ROBO1: variants seen among roughly 807,000 people sequenced by gnomAD.
ROBO1 encodes the protein roundabout homolog 1.
Under a neutral mutation model 195.9 loss-of-function variants are expected in ROBO1, and 149 were observed. That is an observed-to-expected ratio of 0.76 (90% CI 0.67 to 0.87). The LOEUF (loss-of-function observed/expected upper bound fraction) is 0.87, where lower values mean the gene tolerates loss of function less well. Ranked by LOEUF, ROBO1 falls within the 40% of genes least tolerant of loss-of-function variation. ROBO1 has a pLI of 0.00. For synonymous variants in ROBO1, 816 were observed against 733.2 expected (o/e 1.11, Z -1.82); for missense variants, 1,933 against 2,068.3 (o/e 0.93, Z 1.27).
chr3:78,717,637 C>A, intron 6 of ROBO1, 126 bp downstream of exon 6: 1 of 1,121,020 alleles, frequency 8.9e-7, no homozygotes, highest in Non-Finnish European at 1.3e-6. Flanking sequence ...CTGATTTCTT[C>A]TCTCCTCTTT....
At chr3:79,641,029 T>C (rs1042796413) in intron 1 of ROBO1, among the ~76,000 whole-genome samples, 5 of 152,256 alleles carry the variant, frequency 3.3e-5, no homozygotes, top group African/African-American at 9.6e-5. Flanking sequence ...TCTGATCTTG[T>C]CTTGGTGGAT....
intron 2 of ROBO1, among the ~76,000 whole-genome samples, chr3:79,503,708 C>G (rs563736823): frequency 6.6e-6 from 1 of 152,158 alleles, no homozygotes; most frequent in African/African-American, 2.4e-5. Flanking sequence ...ATAATTGTCT[C>G]TGAGAAATCT....
intron 28 of ROBO1, among the ~76,000 whole-genome samples, chr3:78,608,800 G>A (rs1703619999): frequency 6.6e-6 from 1 of 151,982 alleles, no homozygotes; most frequent in African/African-American, 2.4e-5. Context: ...AGGGGTGGGG[G>A]GAGGAAGGAA....
At chr3:79,555,630 A>G (rs1942671821) in intron 2 of ROBO1, among the ~76,000 whole-genome samples, 1 of 152,176 alleles carries the variant, frequency 6.6e-6, no homozygotes, top group Non-Finnish European at 1.5e-5. Flanking sequence ...CGTGGCCAAT[A>G]AAAACTGAGA....
At chr3:79,735,870 C>CAAAAAAA (rs1220855864) in intron 1 of ROBO1, among the ~76,000 whole-genome samples, 1 of 70,780 alleles carries the variant, frequency 1.4e-5, no homozygotes, top group Admixed American at 1.5e-4. Flanking sequence ...GACTCCGTCT[C>CAAAAAAA]AAAAAAAAAA....
intron 3 of ROBO1, among the ~76,000 whole-genome samples, chr3:79,003,306 G>A (rs1051409005): frequency 6.6e-6 from 1 of 151,972 alleles, no homozygotes; most frequent in Non-Finnish European, 1.5e-5. Context: ...CACCGGGAGG[G>A]GAGATTAAAT....
At chr3:79,305,551 C>T (rs1055016362) in intron 2 of ROBO1, among the ~76,000 whole-genome samples, 2 of 141,064 alleles carry the variant, frequency 1.4e-5, no homozygotes, top group African/African-American at 2.6e-5. Context: ...AAAATCAATA[C>T]ATTTTAGAAA....
intron 2 of ROBO1, among the ~76,000 whole-genome samples, chr3:79,149,162 C>A (rs2080713558): frequency 6.6e-6 from 1 of 151,866 alleles, no homozygotes; most frequent in Admixed American, 6.6e-5. Context: ...TAACTACTTA[C>A]CAGCATACTT....
intron 3 of ROBO1, among the ~76,000 whole-genome samples, chr3:79,083,484 T>A (rs955047577): frequency 6.6e-6 from 1 of 152,184 alleles, no homozygotes; most frequent in Admixed American, 6.5e-5. Flanking sequence ...TACTTGGGAA[T>A]TGCAAATAAA....
At chr3:78,947,066 T>C (rs532148483) in intron 3 of ROBO1, among the ~76,000 whole-genome samples, 1 of 151,986 alleles carries the variant, frequency 6.6e-6, no homozygotes, top group Non-Finnish European at 1.5e-5. Context: ...TCCCACACAA[T>C]AATAATGGGA....
intron 25 of ROBO1, among the ~76,000 whole-genome samples, chr3:78,627,872 C>T (rs1432135259): frequency 6.6e-6 from 1 of 152,040 alleles, no homozygotes. Context: ...TATTTTGTCC[C>T]TCCAATATGT....
chr3:78,825,360 A>G (rs759294423), intron 4 of ROBO1, among the ~76,000 whole-genome samples: 6 of 152,106 alleles, frequency 3.9e-5, no homozygotes, highest in Admixed American at 1.3e-4. Flanking sequence ...AGAACCCAAA[A>G]ATGAAAGAAA....
intron 1 of ROBO1, among the ~76,000 whole-genome samples, chr3:79,674,392 T>A (rs890680803): frequency 1.3e-5 from 2 of 151,972 alleles, no homozygotes; most frequent in East Asian, 3.9e-4. Flanking sequence ...ATACTATCTT[T>A]TAAAGACAAC....
intron 2 of ROBO1, among the ~76,000 whole-genome samples, chr3:79,418,351 C>G (rs761615836): frequency 6.6e-6 from 1 of 152,030 alleles, no homozygotes; most frequent in African/African-American, 2.4e-5. Context: ...ATTGCAATTA[C>G]TTTTCTATCT....
At chr3:79,638,886 T>C (rs1411689878) in intron 1 of ROBO1, among the ~76,000 whole-genome samples, 3 of 152,176 alleles carry the variant, frequency 2.0e-5, no homozygotes, top group Non-Finnish European at 4.4e-5. Flanking sequence ...TGCCTAAGAC[T>C]TTTAAATTTT....
At chr3:78,769,706 A>C (rs886265405) in intron 4 of ROBO1, among the ~76,000 whole-genome samples, 4 of 98,608 alleles carry the variant, frequency 4.1e-5, no homozygotes, top group African/African-American at 1.6e-4. Flanking sequence ...TTCTGTTTTT[A>C]TGTGTTTCCA....
In ROBO1 at chr3:79,589,820, T is replaced by G; in HGVS notation, c.88+4A>C. On this transcript the variant is annotated splice_donor_region_variant and intron_variant, in intron 2 of 30. Transcript: ENST00000464233. ...TATTGATGAAACAAATGCACAGCAC[T>G]TACCTGGAATAAGCTGGGCCAGAAA... The G allele has an allele frequency of 6.2e-7, 1 of 1,608,700 alleles. No homozygotes were observed. Among genetic ancestry groups the G allele is most frequent in the Non-Finnish European group, 8.5e-7 (1 of 1,175,886 alleles).
At chr3:79,710,280 T>A (rs1292586153) in intron 1 of ROBO1, among the ~76,000 whole-genome samples, 3 of 152,026 alleles carry the variant, frequency 2.0e-5, no homozygotes, top group Non-Finnish European at 4.4e-5. Flanking sequence ...CTAGTTATGA[T>A]TAAAAAAAGA....
intron 4 of ROBO1, among the ~76,000 whole-genome samples, chr3:78,870,789 C>A (rs1005808198): frequency 6.6e-6 from 1 of 152,084 alleles, no homozygotes; most frequent in Admixed American, 6.6e-5. Flanking sequence ...CAAGAAAAAC[C>A]ATTGAGCAGA....
Sources: gnomAD v4.1 joint callset for allele counts (sites outside exome capture counted in the v4.1 genomes callset) on GRCh38, gnomAD v4.1.1 for gene constraint, MANE v1.5 for transcripts, NCBI Gene and HGNC (gene_info 2026-07-23, HGNC 2026-07-21) for gene names.